PCDHGA7: variants seen among roughly 807,000 people sequenced by gnomAD.
The protein encoded by PCDHGA7 is protocadherin gamma-A7.
Under a neutral mutation model 58.3 loss-of-function variants are expected in PCDHGA7, and 44 were observed. That is an observed-to-expected ratio of 0.75 (90% CI 0.59 to 0.97). The LOEUF is 0.97. Among genes scored for constraint, PCDHGA7 ranks in the 50% least tolerant of loss-of-function variants. PCDHGA7 has a pLI of 0.00. For missense variants in PCDHGA7, 1,266 were observed against 1,188.7 expected, an observed-to-expected ratio of 1.06 and a Z score of -0.96; for synonymous variants, 516 against 504.2, an observed-to-expected ratio of 1.02 and a Z score of -0.31.
chr5:141,423,358 G>T (rs202010010), intron 1 of PCDHGA7: 1 of 1,614,196 alleles, frequency 6.2e-7, no homozygotes, highest in South Asian at 1.1e-5. Flanking sequence ...CTTTGTCATC[G>T]TGCTGCTGGC....
Position 141,485,778 on chromosome 5 carries a change from G to C in PCDHGA7, c.2425-9029G>C. 1 of 1,614,216 alleles carries C rather than the reference G, an allele frequency of 6.2e-7. No homozygotes were observed. Among genetic ancestry groups the C allele is most frequent in the Non-Finnish European group, 8.5e-7 (1 of 1,180,048 alleles). On this transcript the variant is annotated intron_variant, in intron 1 of 3. Transcript: ENST00000518325. The surrounding 1 kb of genome is among the most constrained non-coding windows in gnomAD (Gnocchi z 5.7). ...CTGCTCCTGGAGAAGCCTTTGGATCGAGAGAAGCAATCGGACTACCGCCTG... is the reference window on the plus strand; with the variant it reads ...CTGCTCCTGGAGAAGCCTTTGGATCCAGAGAAGCAATCGGACTACCGCCTG...
chr5:141,491,810 G>T lies in PCDHGA7; in HGVS notation c.2425-2997G>T. 1 of 1,486,878 alleles carries T rather than the reference G, an allele frequency of 6.7e-7. No individual in the cohort carries two copies. The allele number at this position is 1,486,878 out of a possible 1,614,324, so 92.1% of individuals were successfully genotyped here. A position where few individuals can be genotyped will look rare whatever the true frequency, so the allele number is the denominator to read the frequency against. ...CCACTCCTCTCCGGCCGGCTTGGTC[G>T]CTGGCTGCGCTCCACCCGATTCTCG... On this transcript the variant is annotated intron_variant, in intron 1 of 3. Coordinates refer to ENST00000518325, the MANE Select transcript of PCDHGA7 (RefSeq NM_018920.4). This position sits in a 1 kb window ranked among gnomAD's most constrained non-coding sequence, Gnocchi z 6.9.
chr5:141,478,315 A>G, intron 1 of PCDHGA7: 1 of 1,613,998 alleles, frequency 6.2e-7, no homozygotes, highest in Non-Finnish European at 8.5e-7. Flanking sequence ...CGGTGAGCTC[A>G]CTGTACCGAA....
chr5:141,477,504 A>T lies in PCDHGA7; in HGVS notation c.2425-17303A>T, dbSNP rs1396003792. Reference sequence around the variant, plus strand: ...CCACAATCTTCTCAATCTTCCTACGACGTTTACATTGAAGAAAACAACCTC... The same window carrying T: ...CCACAATCTTCTCAATCTTCCTACGTCGTTTACATTGAAGAAAACAACCTC... On this transcript the variant is annotated intron_variant, in intron 1 of 3. Coordinates refer to ENST00000518325, the MANE Select transcript of PCDHGA7 (RefSeq NM_018920.4). This position sits in a 1 kb window ranked among gnomAD's most constrained non-coding sequence, Gnocchi z 4.9. The T allele has an allele frequency of 4.3e-6, 7 of 1,613,982 alleles. No homozygotes were observed. In the Admixed American group the frequency reaches 8.3e-5, roughly 19 times the overall value.
chr5:141,477,287 G>T lies in PCDHGA7; in HGVS notation c.2425-17520G>T. ...CGAGAACGGGCTGGTGACCTGCGAA[G>T]TTCCACCGGGTCTCCCTTTCAGCCT... On this transcript the variant is annotated intron_variant, in intron 1 of 3. Coordinates refer to ENST00000518325, the MANE Select transcript of PCDHGA7 (RefSeq NM_018920.4). The surrounding 1 kb of genome is among the most constrained non-coding windows in gnomAD (Gnocchi z 4.9). The T allele has an allele frequency of 6.2e-7, 1 of 1,614,190 alleles. No homozygotes were observed.
intron 1 of PCDHGA7, chr5:141,393,628 G>A: frequency 6.2e-7 from 1 of 1,613,922 alleles, no homozygotes; most frequent in African/African-American, 1.3e-5. Context: ...CCGGATGAGG[G>A]AATCAACGGA....
chr5:141,437,794 G>C (rs1162440523), intron 1 of PCDHGA7, among the ~76,000 whole-genome samples: 1 of 150,526 alleles, frequency 6.6e-6, no homozygotes, highest in Non-Finnish European at 1.5e-5. Context: ...CTGGAGTGCA[G>C]TGGCACTATC....
chr5:141,400,513 C>A, intron 1 of PCDHGA7: 1 of 1,613,994 alleles, frequency 6.2e-7, no homozygotes, highest in Non-Finnish European at 8.5e-7. Context: ...GTCGACTTCC[C>A]ATCCTGAGTT....
intron 1 of PCDHGA7, chr5:141,400,039 C>T: frequency 6.2e-7 from 1 of 1,613,512 alleles, no homozygotes; most frequent in Non-Finnish European, 8.5e-7. Context: ...CCGCCAGCGC[C>T]TGCTGGTTGC....
At chr5:141,438,248 C>A (rs1370527448) in intron 1 of PCDHGA7, among the ~76,000 whole-genome samples, 1 of 151,970 alleles carries the variant, frequency 6.6e-6, no homozygotes, top group Non-Finnish European at 1.5e-5. Flanking sequence ...AAAAAACTGT[C>A]ATTGAAGAGA....
rs1269660369 is a variant in PCDHGA7 at position 141,408,454 on chromosome 5, A to T, written c.2424+23131A>T. On this transcript the variant is annotated intron_variant, in intron 1 of 3. Transcript: ENST00000518325. ...GCGTAGACGCGGAGAGCGGGGACTT[A>T]CTTGTGAAGAACCGAATAGACCGTG... The T allele has an allele frequency of 4.3e-6, 7 of 1,613,934 alleles. No homozygotes were observed. The African/African-American group carries it at 9.3e-5, about 22-fold the overall frequency.
chr5:141,449,498 A>G (rs1190732747), intron 1 of PCDHGA7, among the ~76,000 whole-genome samples: 7 of 150,506 alleles, frequency 4.7e-5, no homozygotes, highest in Non-Finnish European at 8.9e-5. Flanking sequence ...GTGAGGCATG[A>G]GAAATGCTTG....
At chr5:141,473,470 A>G (rs555568617) in intron 1 of PCDHGA7, among the ~76,000 whole-genome samples, 2 of 151,816 alleles carry the variant, frequency 1.3e-5, no homozygotes, top group South Asian at 4.2e-4. Flanking sequence ...AGTTGTGCCA[A>G]GTTCAATGGA....
In PCDHGA7 at chr5:141,413,998, G is replaced by A; in HGVS notation, c.2424+28675G>A. On this transcript the variant is annotated intron_variant, in intron 1 of 3. Transcript: ENST00000518325. The stretch of plus-strand genomic sequence containing the variant: ...GACAGTCACAGCCACCGACAGGGAC[G>A]AAGGTGCCAATGGAGAAGTGACATA... 1 of 1,613,320 alleles carries A rather than the reference G, an allele frequency of 6.2e-7. No individual in the cohort carries two copies. The highest frequency in any genetic ancestry group is 1.6e-4 in the Middle Eastern group (1 of 6,062).
At chr5:141,430,285 T>C (rs1456678142) in intron 1 of PCDHGA7, among the ~76,000 whole-genome samples, 18 of 151,710 alleles carry the variant, frequency 1.2e-4, no homozygotes, top group Admixed American at 1.2e-3. Flanking sequence ...GGAACAGTAA[T>C]CTCAAAGCAG....
chr5:141,383,556 C>T lies in PCDHGA7; in HGVS notation c.657C>T (p.Asp219=), dbSNP rs1365311931. Residue 219 remains aspartate, a synonymous_variant, in exon 1 of 4, where the codon GAC becomes GAT. Transcript: ENST00000518325. ...TCCTCACAGCCTCTGATGGCGGCGA[C>T]CCGCCCCGATCCAGCACCGCCCACA... ...HLVLTASDGG[D]PPRSSTAHIQ... 6.2e-7 allele frequency: 1 copy of T among 1,612,766 alleles called. No individual in the cohort carries two copies. Among genetic ancestry groups the T allele is most frequent in the Non-Finnish European group, 8.5e-7 (1 of 1,179,536 alleles).
At chr5:141,480,859 A>G (rs1197372110) in intron 1 of PCDHGA7, among the ~76,000 whole-genome samples, 2 of 152,178 alleles carry the variant, frequency 1.3e-5, no homozygotes, top group Non-Finnish European at 2.9e-5. Context: ...AGCCTGGCCA[A>G]TATGGTGAAA....
In PCDHGA7 at chr5:141,432,487, G is replaced by A; in HGVS notation, c.2424+47164G>A. On this transcript the variant is annotated intron_variant, in intron 1 of 3. Coordinates refer to ENST00000518325, the MANE Select transcript of PCDHGA7 (RefSeq NM_018920.4). This position sits in a 1 kb window ranked among gnomAD's most constrained non-coding sequence, Gnocchi z 6.0. ...CCACGGACGGTTCCACTGGCGTGGA[G>A]CTGGCTCCCCGCTCCGCAGAGCCCG... 1.2e-6 allele frequency: 2 copies of A among 1,614,208 alleles called. No homozygotes were observed. The highest frequency in any genetic ancestry group is 2.2e-5 in the East Asian group (1 of 44,874).
chr5:141,483,538 G>C (rs571240759), intron 1 of PCDHGA7, among the ~76,000 whole-genome samples: 1 of 152,230 alleles, frequency 6.6e-6, no homozygotes, highest in African/African-American at 2.4e-5. Flanking sequence ...AAGCTGGGTG[G>C]TTGACAGTGC....
Sources: gnomAD v4.1 joint callset for allele counts (sites outside exome capture counted in the v4.1 genomes callset) on GRCh38, gnomAD v4.1.1 for gene constraint, Gnocchi (gnomAD v3.1) non-coding constraint, MANE v1.5 for transcripts, NCBI Gene and HGNC (gene_info 2026-07-23, HGNC 2026-07-21) for gene names.